The following BLTP1 variants were observed in gnomAD, a reference collection of about 807,000 sequenced individuals.
The protein encoded by BLTP1 is fragile site-associated protein.
the BLTP1 span, chr4:122,220,588 T>A: frequency 1.2e-6 from 1 of 815,950 alleles, no homozygotes; most frequent in Non-Finnish European, 1.9e-6. Flanking sequence ...TGGAGACTTT[T>A]AAGTTAACTG....
the BLTP1 span, chr4:122,197,342 A>T: frequency 8.4e-7 from 1 of 1,191,800 alleles, no homozygotes; most frequent in South Asian, 1.9e-5. Flanking sequence ...AAAGTTTGTT[A>T]ATCATCTTAG....
At chr4:122,208,992 A>T in the BLTP1 span, 5 of 608,698 alleles carry the variant, frequency 8.2e-6, no homozygotes, top group Non-Finnish European at 1.0e-5. Flanking sequence ...CATTAAAAAA[A>T]AAAAAAAAAA....
At chr4:122,349,790 A>G in the BLTP1 span, 1 of 1,573,478 alleles carries the variant, frequency 6.4e-7, no homozygotes, top group Non-Finnish European at 8.6e-7. This position sits in a 1 kb window ranked among gnomAD's most constrained non-coding sequence, Gnocchi z 4.5. Flanking sequence ...GGGGGAAGAA[A>G]ATGTTTCTTG....
the BLTP1 span, chr4:122,353,412 A>T: frequency 4.2e-6 from 1 of 238,990 alleles, no homozygotes; most frequent in Admixed American, 6.5e-5. This position sits in a 1 kb window ranked among gnomAD's most constrained non-coding sequence, Gnocchi z 4.3. Flanking sequence ...TAGTTACTGT[A>T]ATCTTTCTTA....
At chr4:122,207,964 A>G in the BLTP1 span, 1 of 983,842 alleles carries the variant, frequency 1.0e-6, no homozygotes, top group Non-Finnish European at 1.2e-6. Flanking sequence ...ACTTCCCTTT[A>G]TTTGATTCTT....
chr4:122,238,261 T>C, the BLTP1 span: 1 of 1,614,134 alleles, frequency 6.2e-7, no homozygotes, highest in Non-Finnish European at 8.5e-7. Flanking sequence ...TGTTGGCTGG[T>C]GAAAAGGAAA....
At chr4:122,344,676 G>A in the BLTP1 span, 1 of 1,147,500 alleles carries the variant, frequency 8.7e-7, no homozygotes, top group African/African-American at 1.6e-5. Flanking sequence ...TCAGTGATAA[G>A]TTGATATAAA....
chr4:122,290,870 A>T, the BLTP1 span: 14 of 159,800 alleles, frequency 8.8e-5, no homozygotes, highest in Admixed American at 2.1e-4. Context: ...TATATTATAT[A>T]ACATACTATA....
At chr4:122,200,986 T>C in the BLTP1 span, 1 of 1,601,434 alleles carries the variant, frequency 6.2e-7, no homozygotes, top group Non-Finnish European at 8.5e-7. Context: ...CTTAATTACT[T>C]TTACCTAACA....
At chr4:122,254,055 TCCTTC>T in the BLTP1 span, 5 of 715,230 alleles carry the variant, frequency 7.0e-6, no homozygotes, top group Non-Finnish European at 1.1e-5. Flanking sequence ...GGCAAAAATA[TCCTTC>T]AAACCTGAAG....
chr4:122,192,824 G>T, the BLTP1 span, among the ~76,000 whole-genome samples: 3 of 152,134 alleles, frequency 2.0e-5, no homozygotes, highest in Non-Finnish European at 4.4e-5. Flanking sequence ...TAAGTAAAGG[G>T]TCTTCATGAA....
the BLTP1 span, chr4:122,277,785 A>G: frequency 1.1e-6 from 1 of 902,908 alleles, no homozygotes; most frequent in East Asian, 1.2e-4. Flanking sequence ...TGACTCCCTA[A>G]TTAGATTTTA....
At chr4:122,308,061 T>C in the BLTP1 span, 2 of 1,613,540 alleles carry the variant, frequency 1.2e-6, no homozygotes, top group East Asian at 4.5e-5. Flanking sequence ...ATATGCTACC[T>C]GGTATCCAGC....
chr4:122,324,440 A>G, the BLTP1 span: 2 of 1,609,516 alleles, frequency 1.2e-6, no homozygotes, highest in Non-Finnish European at 1.7e-6. Flanking sequence ...GCTTCCCTAA[A>G]GGATAAGTGG....
At chr4:122,181,191 A>G in the BLTP1 span, 5 of 569,954 alleles carry the variant, frequency 8.8e-6, no homozygotes, top group Non-Finnish European at 1.1e-5. Flanking sequence ...TAATTTTATA[A>G]CCTAGGGAGT....
the BLTP1 span, among the ~76,000 whole-genome samples, chr4:122,318,434 G>A: frequency 0.013 from 1,940 of 152,222 alleles, 38 homozygotes; most frequent in African/African-American, 0.045. Context: ...CTATTTTAAC[G>A]ATGAAGAAAC....
At chr4:122,250,547 A>C in the BLTP1 span, 6 of 1,613,632 alleles carry the variant, frequency 3.7e-6, no homozygotes, top group Non-Finnish European at 5.1e-6. Context: ...CTCAGACTTA[A>C]ATGGAAATTC....
chr4:122,196,922 TG>T, the BLTP1 span: 13 of 514,274 alleles, frequency 2.5e-5, no homozygotes, highest in African/African-American at 2.0e-4. Context: ...AATAATTTTA[TG>T]TATTTTACTA....
At chr4:122,335,809 T>TA in the BLTP1 span, among the ~76,000 whole-genome samples, 2 of 152,118 alleles carry the variant, frequency 1.3e-5, no homozygotes, top group African/African-American at 4.8e-5. Flanking sequence ...GCATTATAAA[T>TA]ACATGCAAGC....
Sources: allele counts gnomAD v4.1 joint callset (sites outside exome capture counted in the v4.1 genomes callset), GRCh38; gene constraint gnomAD v4.1.1; non-coding constraint Gnocchi (gnomAD v3.1); transcripts MANE v1.5; gene names NCBI Gene and HGNC (gene_info 2026-07-23, HGNC 2026-07-21).